GRIK3: variants seen among roughly 807,000 people sequenced by gnomAD.
The protein encoded by GRIK3 is glutamate receptor ionotropic, kainate 3.
Under a neutral mutation model 102.5 loss-of-function variants are expected in GRIK3, and 29 were observed. The ratio of observed to expected loss-of-function variants is 0.28; its 90% CI spans 0.21 to 0.39. The LOEUF (loss-of-function observed/expected upper bound fraction) is 0.39, where lower values mean the gene tolerates loss of function less well. Among genes scored for constraint, GRIK3 ranks in the 10% least tolerant of loss-of-function variants. The pLI, the probability that GRIK3 is intolerant of heterozygous loss-of-function variation, is 1.00. For missense variants in GRIK3, 908 were observed against 1,252.4 expected (o/e 0.73, Z 4.15); for synonymous variants, 511 against 504.9 (o/e 1.01, Z -0.16).
chr1:36,911,629 C>T (rs72917535), intron 1 of GRIK3, among the ~76,000 whole-genome samples: 1,669 of 152,080 alleles, frequency 0.011, 25 homozygotes, highest in African/African-American at 0.038. Context: ...TGATCTAGTG[C>T]TATGAGGAGC....
At chr1:36,885,644 C>G (rs573520688) in intron 2 of GRIK3, among the ~76,000 whole-genome samples, 40 of 152,260 alleles carry the variant, frequency 2.6e-4, no homozygotes, top group African/African-American at 9.6e-4. Context: ...TTTCCTGTCT[C>G]CTCCATGTTC....
chr1:36,873,680 GA>G (rs1203084297), intron 3 of GRIK3, among the ~76,000 whole-genome samples: 2 of 151,992 alleles, frequency 1.3e-5, no homozygotes, highest in Non-Finnish European at 2.9e-5. Flanking sequence ...TTCCTTTGGG[GA>G]AAAACTTCTC....
chr1:36,948,984 C>A (rs966658623), intron 1 of GRIK3, among the ~76,000 whole-genome samples: 5 of 152,206 alleles, frequency 3.3e-5, no homozygotes, highest in African/African-American at 1.2e-4. Flanking sequence ...GAGCAGGGGT[C>A]AAGGGCACTG....
chr1:37,025,588 T>C (rs572656850), intron 1 of GRIK3, among the ~76,000 whole-genome samples: 5 of 152,292 alleles, frequency 3.3e-5, no homozygotes, highest in Admixed American at 2.0e-4. Context: ...TTCCGCCCAA[T>C]TGGGCAGCTT....
At chr1:36,897,234 T>A (rs1303994271) in intron 1 of GRIK3, among the ~76,000 whole-genome samples, 2 of 152,178 alleles carry the variant, frequency 1.3e-5, no homozygotes, top group African/African-American at 2.4e-5. Flanking sequence ...TATGGTCTTA[T>A]ATGTAGAAAA....
At chr1:36,942,696 G>C (rs993770106) in intron 1 of GRIK3, among the ~76,000 whole-genome samples, 6 of 151,624 alleles carry the variant, frequency 4.0e-5, no homozygotes, top group Admixed American at 3.3e-4. Context: ...GGAGAACTGG[G>C]AAGTCAGGGG....
intron 1 of GRIK3, among the ~76,000 whole-genome samples, chr1:36,936,598 C>A (rs1641660113): frequency 6.6e-6 from 1 of 152,176 alleles, no homozygotes; most frequent in African/African-American, 2.4e-5. Flanking sequence ...ACCCCATTCC[C>A]ATTCTCCAGC....
intron 1 of GRIK3, among the ~76,000 whole-genome samples, chr1:36,900,065 T>TA (rs1441192331): frequency 6.6e-6 from 1 of 152,218 alleles, no homozygotes; most frequent in Admixed American, 6.5e-5. Context: ...TGTACATCTA[T>TA]AGACTACTTC....
At chr1:36,831,889 G>A (rs537957131) in intron 10 of GRIK3, among the ~76,000 whole-genome samples, 1 of 152,210 alleles carries the variant, frequency 6.6e-6, no homozygotes, top group South Asian at 2.1e-4. Flanking sequence ...CAGGCTTTCT[G>A]CAGCCCCTCT....
At chr1:36,969,969 A>T (rs746731894) in intron 1 of GRIK3, among the ~76,000 whole-genome samples, 23 of 152,254 alleles carry the variant, frequency 1.5e-4, no homozygotes, top group Admixed American at 4.6e-4. Context: ...GGGAAAAAAT[A>T]TATAACATCA....
chr1:36,886,086 C>T (rs56322441), intron 2 of GRIK3, among the ~76,000 whole-genome samples: 30,032 of 152,198 alleles, frequency 0.2, 3,917 homozygotes, highest in Non-Finnish European at 0.28. Context: ...ACACTCTCTG[C>T]GCTGCTGCTG....
chr1:36,837,188 T>G (rs1316158225), intron 10 of GRIK3, among the ~76,000 whole-genome samples: 1 of 152,094 alleles, frequency 6.6e-6, no homozygotes, highest in Non-Finnish European at 1.5e-5. Flanking sequence ...CTGCAGGATG[T>G]GCTGATGACT....
chr1:36,872,337 G>C lies in GRIK3; in HGVS notation c.583C>G (p.Pro195Ala). ...TTCAGGCGGATGTTGTATCTTGATG[G>C]GGCCATGATGAGCTCCTGCAGTCGG... ...LIRLQELIMA[P>A]SRYNIRLKIR... Residue 195 changes from proline to alanine, a missense_variant, in exon 4 of 16, where the codon CCA becomes GCA. Physicochemically the swap from Pro to Ala is conservative, Grantham distance 27. This residue lies in a region of GRIK3 where 585 missense variants were observed against 824.9 expected (regional missense o/e 0.71). Transcript: ENST00000373091. This position sits in a 1 kb window ranked among gnomAD's most constrained non-coding sequence, Gnocchi z 5.9. 6.2e-7 allele frequency: 1 copy of C among 1,608,758 alleles called. No homozygotes were observed. Among genetic ancestry groups the C allele is most frequent in the Non-Finnish European group, 8.5e-7 (1 of 1,176,750 alleles).
intron 3 of GRIK3, among the ~76,000 whole-genome samples, chr1:36,876,105 G>A (rs1444333823): frequency 6.6e-6 from 1 of 152,202 alleles, no homozygotes; most frequent in African/African-American, 2.4e-5. Context: ...GCTGGTTGTG[G>A]TGGCTCATAC....
At chr1:37,028,660 C>G (rs549257852) in intron 1 of GRIK3, among the ~76,000 whole-genome samples, 9 of 152,272 alleles carry the variant, frequency 5.9e-5, no homozygotes, top group Admixed American at 3.9e-4. Flanking sequence ...GTAGGGGCAC[C>G]GCATTCAGCC....
intron 1 of GRIK3, among the ~76,000 whole-genome samples, chr1:36,981,386 GA>G (rs1180268204): frequency 3.9e-5 from 6 of 152,238 alleles, no homozygotes; most frequent in African/African-American, 1.4e-4. Context: ...TGACCAGAGA[GA>G]GGGGGCAGTG....
chr1:36,836,205 C>T (rs889542855), intron 10 of GRIK3, among the ~76,000 whole-genome samples: 1 of 152,356 alleles, frequency 6.6e-6, no homozygotes. Context: ...CCCATGCATG[C>T]GGGCCAGAAC....
At chr1:36,945,060 T>G (rs1287557897) in intron 1 of GRIK3, among the ~76,000 whole-genome samples, 1 of 152,232 alleles carries the variant, frequency 6.6e-6, no homozygotes, top group African/African-American at 2.4e-5. Flanking sequence ...GCTCCACCCC[T>G]GGCCGTCGGC....
intron 1 of GRIK3, among the ~76,000 whole-genome samples, chr1:36,896,819 A>C (rs536686989): frequency 6.6e-6 from 1 of 152,274 alleles, no homozygotes; most frequent in South Asian, 2.1e-4. Context: ...ACAAATGAAA[A>C]ATTTATTCCT....
Sources: allele counts gnomAD v4.1 joint callset (sites outside exome capture counted in the v4.1 genomes callset), GRCh38; gene constraint gnomAD v4.1.1; regional missense constraint gnomAD v4.1.1; non-coding constraint Gnocchi (gnomAD v3.1); transcripts MANE v1.5; gene names NCBI Gene and HGNC (gene_info 2026-07-23, HGNC 2026-07-21).